The following SYCP2 variants were observed in gnomAD, a reference collection of about 807,000 sequenced individuals.
The protein encoded by SYCP2 is synaptonemal complex lateral element protein.
A neutral mutation model predicts 211.3 loss-of-function variants in SYCP2; 55 were observed. The ratio of observed to expected loss-of-function variants is 0.26; its 90% CI spans 0.21 to 0.33. SYCP2 has a LOEUF of 0.33. Ranked by LOEUF, SYCP2 falls within the 10% of genes least tolerant of loss-of-function variation. The pLI is 1.00. For missense variants in SYCP2, 1,731 were observed against 1,752.0 expected, an observed-to-expected ratio of 0.99 and a Z score of 0.21; for synonymous variants, 570 against 555.2, an observed-to-expected ratio of 1.03 and a Z score of -0.37.
chr20:59,890,513 G>T (rs891782956), intron 24 of SYCP2, among the ~76,000 whole-genome samples: 1 of 151,970 alleles, frequency 6.6e-6, no homozygotes, highest in African/African-American at 2.4e-5. Flanking sequence ...AAAACTGCAC[G>T]TTCTGCACAT....
chr20:59,929,294 ATG>A (rs140419488), intron 2 of SYCP2, among the ~76,000 whole-genome samples: 13,072 of 152,216 alleles, frequency 0.086, 710 homozygotes, highest in Non-Finnish European at 0.12. Flanking sequence ...GAAATCATGT[ATG>A]TACTCCTGGT....
chr20:59,915,413 A>C, intron 9 of SYCP2, 52 bp downstream of exon 9: 1 of 1,282,534 alleles, frequency 7.8e-7, no homozygotes, highest in Non-Finnish European at 1.1e-6. Flanking sequence ...CTGTCTTATA[A>C]AACATTCTTA....
At chr20:59,895,697 A>G in intron 19 of SYCP2, 100 bp from the exon 20 acceptor site, 1 of 1,361,678 alleles carries the variant, frequency 7.3e-7, no homozygotes, top group East Asian at 2.3e-5. Context: ...ACATTCTTAG[A>G]TGGTTCCCAG....
rs768851599 is a variant in SYCP2 at position 59,920,507 on chromosome 20, T to G, written c.169-20A>C. 6.4e-7 allele frequency: 1 copy of G among 1,558,372 alleles called. No individual in the cohort carries two copies. On this transcript the variant is annotated intron_variant, in intron 4 of 44. Coordinates refer to ENST00000357552, the MANE Select transcript of SYCP2 (RefSeq NM_014258.4). ...AAGTTCCTGAAATAAAAGGTATACA[T>G]TAAAATTTCTGTAAACACAAAACAG...
At position 59,892,590 on chromosome 20, in the gene SYCP2, C is replaced by T. The variant is rs377052965; in HGVS notation, c.1905G>A (p.Ser635=). ...ELCNNQRAST[S]SGDTLNQDIV... ...CACCTTGATTCAATGTGTCTCCTGA[C>T]GAAGTACTTGCTCTTTGGTTATTAC... The change falls in exon 23 of 45, where the codon TCG becomes TCA. Residue 635 remains serine, a synonymous_variant. Transcript: ENST00000357552. The T allele has an allele frequency of 1.0e-4, 161 of 1,607,168 alleles. 1 individual carries two copies. In the Middle Eastern group the frequency reaches 1.2e-3, roughly 12 times the overall value.
At chr20:59,876,387 AAAAAAAAAAAAAAAAAAAAAAAAAG>A (rs1180393935) in intron 33 of SYCP2, among the ~76,000 whole-genome samples, 1 of 110,756 alleles carries the variant, frequency 9.0e-6, no homozygotes, top group East Asian at 2.4e-4. Context: ...AAAAAAAAAA[AAAAAAAAAAAAAAAAAAAAAAAAAG>A]AAGAAGTGAT....
intron 41 of SYCP2, 48 bp from the exon 42 acceptor site, chr20:59,865,913 A>G: frequency 1.2e-6 from 1 of 838,906 alleles, no homozygotes. Flanking sequence ...TTTTAGTCCT[A>G]AAATAAAATC....
At chr20:59,903,506 G>T (rs562313467) in intron 15 of SYCP2, among the ~76,000 whole-genome samples, 226 of 152,104 alleles carry the variant, frequency 1.5e-3, no homozygotes, top group Non-Finnish European at 2.5e-3. Flanking sequence ...CTGAGAGAGA[G>T]GAGGAAGATA....
At chr20:59,901,535 C>CA in intron 16 of SYCP2, 127 bp downstream of exon 16, 1 of 595,790 alleles carries the variant, frequency 1.7e-6, no homozygotes, top group Non-Finnish European at 2.8e-6. Context: ...TTCAACAGTA[C>CA]AAATTTAAAG....
chr20:59,890,557 A>AATAGGTAG (rs1158248772), intron 24 of SYCP2, among the ~76,000 whole-genome samples: 1 of 151,058 alleles, frequency 6.6e-6, no homozygotes, highest in African/African-American at 2.4e-5. Flanking sequence ...TAAATAAATA[A>AATAGGTAG]ATAGGTAGAT....
intron 1 of SYCP2, 43 bp from the exon 2 acceptor site, chr20:59,932,197 G>A (rs1233918682): frequency 6.6e-6 from 1 of 152,114 alleles, no homozygotes; most frequent in Non-Finnish European, 1.5e-5. Context: ...CAACAACAAA[G>A]AAAACAATTT....
At chr20:59,880,230 T>C (rs1277805400) in intron 31 of SYCP2, 73 bp downstream of exon 31, 2 of 1,211,830 alleles carry the variant, frequency 1.7e-6, no homozygotes, top group African/African-American at 3.0e-5. Flanking sequence ...AATAAGCTTA[T>C]ATAAAGCATT....
Position 59,933,598 on chromosome 20 carries a change from G to C in SYCP2, c.-169C>G, listed in dbSNP as rs1006338284. The C allele has an allele frequency of 1.3e-5, 2 of 152,160 alleles. No homozygotes were observed. The highest frequency in any genetic ancestry group is 4.8e-5 in the African/African-American group (2 of 41,434). The allele number at this position is 152,160 out of a possible 1,614,324, so 9.4% of individuals were successfully genotyped here. A position where few individuals can be genotyped will look rare whatever the true frequency, so the allele number is the denominator to read the frequency against. ...GGCAGGAGGCGTCCGCGTAGTGTCG[G>C]TGGAGCCGCCCCCTATGCCGCCGAG... is the stretch of plus-strand genomic sequence containing the variant. On this transcript the variant is annotated 5_prime_UTR_variant, in exon 1 of 45. Transcript: ENST00000357552.
intron 31 of SYCP2, among the ~76,000 whole-genome samples, chr20:59,878,391 A>G (rs2059601677): frequency 6.6e-6 from 1 of 152,286 alleles, no homozygotes; most frequent in Non-Finnish European, 1.5e-5. Flanking sequence ...TCAAGAATTG[A>G]TAACTTTTAC....
intron 8 of SYCP2, among the ~76,000 whole-genome samples, chr20:59,915,979 C>G (rs929057514): frequency 6.6e-6 from 1 of 151,810 alleles, no homozygotes; most frequent in Non-Finnish European, 1.5e-5. Context: ...GCAGATAGAG[C>G]AAGACTCTCT....
chr20:59,926,089 A>C (rs1165205555), intron 2 of SYCP2, among the ~76,000 whole-genome samples: 2 of 152,084 alleles, frequency 1.3e-5, no homozygotes, highest in Admixed American at 6.6e-5. Context: ...GCCAAAACAA[A>C]TATGGATTGA....
At position 59,919,186 on chromosome 20, in the gene SYCP2, A is replaced by G; in HGVS notation, c.403-4T>C. On this transcript the variant is annotated splice_region_variant and splice_polypyrimidine_tract_variant and intron_variant, in intron 6 of 44. Coordinates refer to ENST00000357552, the MANE Select transcript of SYCP2 (RefSeq NM_014258.4). ...CATCACTGACATCATGTATGACCTG[A>G]AAAAAAGTGAATAATATTTAATTTA... 8.2e-7 allele frequency: 1 copy of G among 1,226,650 alleles called. No homozygotes were observed. Among genetic ancestry groups the G allele is most frequent in the Non-Finnish European group, 1.2e-6 (1 of 851,272 alleles). 76.0% of individuals were successfully genotyped at this position (1,226,650 alleles called of 1,614,324 possible).
At chr20:59,920,124 A>G (rs1419212991) in intron 5 of SYCP2, among the ~76,000 whole-genome samples, 1 of 151,726 alleles carries the variant, frequency 6.6e-6, no homozygotes, top group Non-Finnish European at 1.5e-5. Flanking sequence ...GAGACAATAA[A>G]GCAAGTCAAG....
chr20:59,915,279 CTT>C, intron 9 of SYCP2, 80 bp from the exon 10 acceptor site: 1 of 1,205,174 alleles, frequency 8.3e-7, no homozygotes, highest in Non-Finnish European at 1.2e-6. Context: ...GGAAAAGAAA[CTT>C]CACAAAAATT....
Sources: gnomAD v4.1 joint callset for allele counts (sites outside exome capture counted in the v4.1 genomes callset) on GRCh38, gnomAD v4.1.1 for gene constraint, MANE v1.5 for transcripts, NCBI Gene and HGNC (gene_info 2026-07-23, HGNC 2026-07-21) for gene names.